Variants in RFX3 observed in about 807,000 individuals in gnomAD.
RFX3 encodes regulatory factor X3.
In RFX3, 14 loss-of-function variants were observed where a neutral mutation model predicts 98.6. The ratio of observed to expected loss-of-function variants is 0.14; its 90% CI spans 0.09 to 0.22. The LOEUF (loss-of-function observed/expected upper bound fraction) is 0.22. Ranked by LOEUF, RFX3 falls within the 10% of genes least tolerant of loss-of-function variation. The pLI is 1.00. For missense variants in RFX3, 639 were observed against 926.9 expected, an observed-to-expected ratio of 0.69 and a Z score of 4.03; for synonymous variants, 383 against 328.4, an observed-to-expected ratio of 1.17 and a Z score of -1.80.
intron 5 of RFX3, among the ~76,000 whole-genome samples, chr9:3,300,737 T>C (rs1399029957): frequency 1.3e-5 from 2 of 151,922 alleles, no homozygotes; most frequent in Non-Finnish European, 2.9e-5. Context: ...ATTTACACCA[T>C]GGGTCTATTT....
intron 15 of RFX3, among the ~76,000 whole-genome samples, chr9:3,236,996 C>A (rs1819247807): frequency 6.6e-6 from 1 of 152,186 alleles, no homozygotes; most frequent in Non-Finnish European, 1.5e-5. Context: ...TAGTTTCTAT[C>A]TTGTGGCTGG....
intron 1 of RFX3, among the ~76,000 whole-genome samples, chr9:3,450,017 C>A (rs1404111733): frequency 6.6e-6 from 1 of 152,104 alleles, no homozygotes; most frequent in Non-Finnish European, 1.5e-5. Flanking sequence ...TATGCATTCA[C>A]CTATCAGATC....
intron 1 of RFX3, among the ~76,000 whole-genome samples, chr9:3,440,409 T>A (rs1342770023): frequency 2.0e-5 from 3 of 152,002 alleles, no homozygotes; most frequent in Non-Finnish European, 2.9e-5. Context: ...AGATACAAAA[T>A]CAATATTTAA....
intron 1 of RFX3, among the ~76,000 whole-genome samples, chr9:3,497,513 G>C (rs527413518): frequency 6.6e-6 from 1 of 152,022 alleles, no homozygotes; most frequent in African/African-American, 2.4e-5. Context: ...CACTTAGCAG[G>C]AAAAAGATTT....
chr9:3,224,976 A>C lies in RFX3; in HGVS notation c.*66T>G, dbSNP rs1817603167. On this transcript the variant is annotated 3_prime_UTR_variant, in exon 17 of 17. Coordinates refer to ENST00000617270, the MANE Select transcript of RFX3 (RefSeq NM_001282116.2). ...CAACAGTCGACCTTCAGGCTTATTA[A>C]ATTTTCAACTTAAGCCCAATATCAA... The C allele has an allele frequency of 1.3e-6, 2 of 1,500,780 alleles. No homozygotes were observed. The highest frequency in any genetic ancestry group is 1.8e-6 in the Non-Finnish European group (2 of 1,090,894). 93.0% of individuals were successfully genotyped at this position (1,500,780 alleles called of 1,614,324 possible).
chr9:3,232,105 A>G (rs946472440), intron 15 of RFX3, among the ~76,000 whole-genome samples: 1 of 152,144 alleles, frequency 6.6e-6, no homozygotes, highest in Non-Finnish European at 1.5e-5. Flanking sequence ...AGGAAGCAGT[A>G]AAAGATTTAG....
intron 4 of RFX3, among the ~76,000 whole-genome samples, chr9:3,302,433 C>T (rs375793170): frequency 2.6e-5 from 4 of 151,772 alleles, no homozygotes; most frequent in African/African-American, 9.7e-5. Flanking sequence ...AGTTATCTAT[C>T]TTTCAACTCC....
chr9:3,267,470 T>C (rs1436739043), intron 11 of RFX3, among the ~76,000 whole-genome samples: 2 of 151,936 alleles, frequency 1.3e-5, no homozygotes, highest in East Asian at 1.9e-4. Context: ...ATAATTTCAC[T>C]TACTCAAGTT....
chr9:3,251,453 T>A (rs1320529174), intron 14 of RFX3, among the ~76,000 whole-genome samples: 3 of 152,044 alleles, frequency 2.0e-5, no homozygotes, highest in Non-Finnish European at 4.4e-5. Flanking sequence ...GTTCCAGTGA[T>A]CTTACGCTCC....
intron 1 of RFX3, among the ~76,000 whole-genome samples, chr9:3,463,795 A>G (rs1847940738): frequency 6.6e-6 from 1 of 151,736 alleles, no homozygotes; most frequent in African/African-American, 2.4e-5. Context: ...ACATAGGGAG[A>G]CCCCAGTATC....
chr9:3,393,905 C>T (rs894453178), intron 2 of RFX3, among the ~76,000 whole-genome samples: 56 of 151,870 alleles, frequency 3.7e-4, no homozygotes, highest in African/African-American at 1.3e-3. Flanking sequence ...TAATGGGTAC[C>T]CTAGAAGCCC....
In RFX3 at chr9:3,415,056, A is replaced by T. The variant is rs1280124722; in HGVS notation, c.-8-19460T>A. 5.9e-3 allele frequency among the ~76,000 whole-genome samples: 693 copies of T among 117,460 alleles called. 5 individuals are homozygous for T. Among genetic ancestry groups the T allele is most frequent in the East Asian group, 0.02 (90 of 4,526 alleles). The allele number at this position is 117,460 out of a possible 152,430, so 77.1% of individuals were successfully genotyped here. On this transcript the variant is annotated intron_variant, in intron 1 of 16. Transcript: ENST00000617270. ...TACTTTTATATATATACTTATATATATACTCATATATAAGTATATATATAT... is the reference window on the plus strand; with the variant it reads ...TACTTTTATATATATACTTATATATTTACTCATATATAAGTATATATATAT...
At chr9:3,225,984 C>A (rs1036631184) in intron 16 of RFX3, among the ~76,000 whole-genome samples, 1 of 152,040 alleles carries the variant, frequency 6.6e-6, no homozygotes, top group Non-Finnish European at 1.5e-5. Flanking sequence ...ACTGTTACCC[C>A]CAAATTGTAA....
chr9:3,523,440 C>T (rs1217651436), intron 1 of RFX3, among the ~76,000 whole-genome samples: 1 of 152,026 alleles, frequency 6.6e-6, no homozygotes, highest in Non-Finnish European at 1.5e-5. Context: ...AATTTTATCC[C>T]ACATATATGC....
chr9:3,241,167 T>C (rs903405229), intron 15 of RFX3, among the ~76,000 whole-genome samples: 5 of 152,034 alleles, frequency 3.3e-5, no homozygotes, highest in African/African-American at 9.7e-5. Flanking sequence ...TTCTCTGAAA[T>C]AGTATTGACA....
intron 2 of RFX3, among the ~76,000 whole-genome samples, chr9:3,373,738 G>C (rs1199876645): frequency 6.6e-6 from 1 of 152,004 alleles, no homozygotes; most frequent in East Asian, 1.9e-4. Flanking sequence ...GGAGGAGAAG[G>C]CGAAAGATTA....
intron 1 of RFX3, among the ~76,000 whole-genome samples, chr9:3,445,231 TA>T (rs1845944110): frequency 1.4e-5 from 2 of 146,306 alleles, no homozygotes; most frequent in Non-Finnish European, 3.1e-5. Flanking sequence ...GTATTTTTCA[TA>T]AAGTAAGTTA....
In RFX3 at chr9:3,459,818, G is replaced by A. The variant is rs185551761; in HGVS notation, c.-8-64222C>T. ...CAGAATAAGTTATAGTTTGATAGAA[G>A]GTAGAATTTAAAAGAGGACATCTTC... On this transcript the variant is annotated intron_variant, in intron 1 of 16. Transcript: ENST00000617270. 1.5e-3 allele frequency among the ~76,000 whole-genome samples: 228 copies of A among 152,014 alleles called. 3 individuals carry two copies. The highest frequency in any genetic ancestry group is 1.4e-3 in the Admixed American group (21 of 15,250).
At chr9:3,318,691 G>C (rs944178989) in intron 4 of RFX3, among the ~76,000 whole-genome samples, 8 of 151,914 alleles carry the variant, frequency 5.3e-5, no homozygotes, top group African/African-American at 1.9e-4. Context: ...TCTATTCACT[G>C]ATAATTTTAT....
Sources: allele counts gnomAD v4.1 joint callset (sites outside exome capture counted in the v4.1 genomes callset), GRCh38; gene constraint gnomAD v4.1.1; transcripts MANE v1.5; gene names NCBI Gene and HGNC (gene_info 2026-07-23, HGNC 2026-07-21).